LYRM4: variants seen among roughly 807,000 people sequenced by gnomAD.
LYRM4 encodes the protein LYR motif-containing protein 4.
LYRM4 carries 9 observed loss-of-function variants against 11.7 expected under a neutral mutation model. The ratio of observed to expected loss-of-function variants is 0.77; its 90% CI spans 0.46 to 1.34. The LOEUF (loss-of-function observed/expected upper bound fraction) is 1.34, where lower values mean the gene tolerates loss of function less well. Ranked by LOEUF, LYRM4 falls within the 40% of genes most tolerant of loss-of-function variation. The probability of loss-of-function intolerance (pLI) is 0.00; values close to 1 mark genes in which losing one functional copy is unlikely to be tolerated. For synonymous variants in LYRM4, 42 were observed against 40.4 expected (o/e 1.04, Z -0.15); for missense variants, 133 against 112.5 (o/e 1.18, Z -0.82).
chr6:5,215,659 G>T (rs551711347), intron 2 of LYRM4, among the ~76,000 whole-genome samples: 1 of 152,276 alleles, frequency 6.6e-6, no homozygotes, highest in African/African-American at 2.4e-5. Flanking sequence ...TCTTTTTAGA[G>T]TCAAGCATGA....
At chr6:5,154,816 C>G (rs1468016366) in intron 2 of LYRM4, among the ~76,000 whole-genome samples, 1 of 151,290 alleles carries the variant, frequency 6.6e-6, no homozygotes, top group Non-Finnish European at 1.5e-5. Flanking sequence ...GAGACTCCGT[C>G]TCAAAAAATA....
At chr6:5,057,147 T>C in the LYRM4 span, among the ~76,000 whole-genome samples, 496 of 152,314 alleles carry the variant, frequency 3.3e-3, 1 homozygote, top group African/African-American at 0.011. Context: ...AATCATGTCT[T>C]AGCATTGTTA....
chr6:5,159,664 C>A (rs1416529783), intron 2 of LYRM4, among the ~76,000 whole-genome samples: 1 of 152,230 alleles, frequency 6.6e-6, no homozygotes, highest in Non-Finnish European at 1.5e-5. Context: ...TTGGGTCTTT[C>A]AATCTTGACA....
intron 2 of LYRM4, among the ~76,000 whole-genome samples, chr6:5,149,525 T>C (rs1283577161): frequency 6.6e-6 from 1 of 151,826 alleles, no homozygotes; most frequent in Non-Finnish European, 1.5e-5. Flanking sequence ...CTCAAACCAC[T>C]GATCCTTATT....
At chr6:5,066,726 T>A in the LYRM4 span, 1 of 796,650 alleles carries the variant, frequency 1.3e-6, no homozygotes, top group South Asian at 1.5e-5. Context: ...CCATACGATT[T>A]GCGCCAGGGT....
intron 1 of LYRM4, among the ~76,000 whole-genome samples, chr6:5,234,706 T>C (rs1258946587): frequency 6.6e-6 from 1 of 151,326 alleles, no homozygotes; most frequent in East Asian, 1.9e-4. Context: ...GAAGAAGGAA[T>C]ACAAAGTTTT....
intron 2 of LYRM4, among the ~76,000 whole-genome samples, chr6:5,206,691 C>T (rs766667195): frequency 1.3e-5 from 2 of 151,804 alleles, no homozygotes; most frequent in Admixed American, 1.3e-4. Flanking sequence ...ATTGAAGAGG[C>T]GGGAGGAGTG....
At chr6:5,119,669 A>T (rs565023138) in intron 2 of LYRM4, among the ~76,000 whole-genome samples, 1 of 151,922 alleles carries the variant, frequency 6.6e-6, no homozygotes, top group African/African-American at 2.4e-5. Context: ...CCATGCCTGT[A>T]ATCCCAGCTA....
chr6:5,245,156 A>G (rs1481921797), intron 1 of LYRM4, among the ~76,000 whole-genome samples: 2 of 102,318 alleles, frequency 2.0e-5, no homozygotes, highest in South Asian at 3.6e-4. Context: ...ATATATATAT[A>G]TATATATAAA....
Position 5,108,989 on chromosome 6 carries a change from GCCC to G in LYRM4, c.*431_*433del. On this transcript the variant is annotated 3_prime_UTR_variant, in exon 3 of 3. Transcript: ENST00000330636. ...TCTCAGAGTTGAACCCTCCCTGAGG[GCCC>G]CCAACAGCCCTCTCCAGGCCTTGTA... The G allele has an allele frequency of 1.0e-6, 1 of 1,000,946 alleles. No homozygotes were observed. The highest frequency in any genetic ancestry group is 1.2e-6 in the Non-Finnish European group (1 of 838,246). 62.0% of individuals were successfully genotyped at this position (1,000,946 alleles called of 1,614,324 possible).
At chr6:5,087,052 G>C in the LYRM4 span, 1 of 156,328 alleles carries the variant, frequency 6.4e-6, no homozygotes, top group African/African-American at 2.4e-5. Flanking sequence ...GTGCACGCGT[G>C]GGACCTTTAC....
chr6:5,098,911 A>G (rs1319991687), downstream of LYRM4, among the ~76,000 whole-genome samples: 1 of 152,230 alleles, frequency 6.6e-6, no homozygotes, highest in East Asian at 1.9e-4. Flanking sequence ...GGCTGGAGGA[A>G]CACCTATTCT....
chr6:5,082,317 T>A, the LYRM4 span, among the ~76,000 whole-genome samples: 1 of 152,206 alleles, frequency 6.6e-6, no homozygotes, highest in African/African-American at 2.4e-5. Context: ...GTTGGAGAAC[T>A]GGTGTTAGAC....
At chr6:5,196,859 T>G (rs539101190) in intron 2 of LYRM4, among the ~76,000 whole-genome samples, 2 of 152,338 alleles carry the variant, frequency 1.3e-5, no homozygotes, top group East Asian at 3.9e-4. Context: ...TTGACAGGAA[T>G]GTTAAGCTGT....
chr6:5,225,692 G>A (rs1166996130), intron 1 of LYRM4, among the ~76,000 whole-genome samples: 5 of 152,278 alleles, frequency 3.3e-5, no homozygotes, highest in Admixed American at 2.0e-4. Flanking sequence ...GTAGCATCAC[G>A]TGCATGTCTA....
At position 5,245,156 on chromosome 6, in the gene LYRM4, ATATATAT is replaced by A. The variant is rs1561899225; in HGVS notation, c.86+15485_86+15491del. ...TATATATATATATATATATATATAT[ATATATAT>A]AAAATAGGTGAATTTCTGGAACAAA... is the stretch of plus-strand genomic sequence containing the variant. On this transcript the variant is annotated intron_variant, in intron 1 of 2. Transcript: ENST00000330636. 1.1e-3 allele frequency among the ~76,000 whole-genome samples: 116 copies of A among 102,302 alleles called. 5 individuals carry two copies. The highest frequency in any genetic ancestry group is 1.9e-3 in the African/African-American group (50 of 26,996). The allele number at this position is 102,302 out of a possible 152,430, so 67.1% of individuals were successfully genotyped here. A position where few individuals can be genotyped will look rare whatever the true frequency, so the allele number is the denominator to read the frequency against.
At chr6:5,094,235 A>G in the LYRM4 span, among the ~76,000 whole-genome samples, 2 of 152,214 alleles carry the variant, frequency 1.3e-5, no homozygotes, top group East Asian at 3.8e-4. Flanking sequence ...TAACCCCAGC[A>G]CTTTGGGAGG....
intron 2 of LYRM4, among the ~76,000 whole-genome samples, chr6:5,182,139 T>A (rs182278154): frequency 2.5e-4 from 38 of 152,342 alleles, no homozygotes; most frequent in African/African-American, 9.1e-4. Context: ...AGGTGATATC[T>A]CCTCCAGGTC....
the LYRM4 span, chr6:5,085,660 C>T: frequency 2.6e-6 from 4 of 1,548,626 alleles, no homozygotes; most frequent in Middle Eastern, 1.7e-4. Flanking sequence ...GGATAGGCCC[C>T]TGTCCCCGAA....
Sources: allele counts gnomAD v4.1 joint callset (sites outside exome capture counted in the v4.1 genomes callset), GRCh38; gene constraint gnomAD v4.1.1; transcripts MANE v1.5; gene names NCBI Gene and HGNC (gene_info 2026-07-23, HGNC 2026-07-21).